LRCH4: variants seen among roughly 807,000 people sequenced by gnomAD.
The protein encoded by LRCH4 is leucine-rich repeat and calponin homology domain-containing protein 4.
A neutral mutation model predicts 81.2 loss-of-function variants in LRCH4; 56 were observed. The observed-to-expected ratio is 0.69, with a 90% CI of 0.56 to 0.86. The LOEUF (loss-of-function observed/expected upper bound fraction) is 0.86, where lower values mean the gene tolerates loss of function less well. Among genes scored for constraint, LRCH4 ranks in the 40% least tolerant of loss-of-function variants. The probability of loss-of-function intolerance (pLI) is 0.00; values close to 1 mark genes in which losing one functional copy is unlikely to be tolerated. For missense variants in LRCH4, 895 were observed against 922.8 expected (o/e 0.97, Z 0.39); for synonymous variants, 442 against 409.7 (o/e 1.08, Z -0.95).
intron 4 of LRCH4, chr7:100,581,555 C>G (rs186594239): frequency 1.2e-5 from 6 of 499,908 alleles, no homozygotes; most frequent in Non-Finnish European, 2.1e-5. Context: ...TCTCCGCCAT[C>G]GGAGAGTACC....
rs767410875 is a variant in LRCH4 at position 100,575,155 on chromosome 7, G to C, written c.2004C>G (p.Val668=). 1.7e-5 allele frequency: 28 copies of C among 1,613,340 alleles called. No individual in the cohort carries two copies. In the South Asian group the frequency reaches 2.7e-4, roughly 16 times the overall value. ...AGGTGACATAGAGCAGCAGCATGAG[G>C]ACCACGTAGAAGACGACGAAGCCGC... ...GLGGFVVFYV[V]LMLLLYVTYT... is the part of the protein sequence containing the mutation. The change falls in exon 18 of 18, where the codon GTC becomes GTG. Residue 668 remains valine (V), a synonymous_variant. Coordinates refer to ENST00000310300, the MANE Select transcript of LRCH4 (RefSeq NM_002319.5). The surrounding 1 kb of genome is among the most constrained non-coding windows in gnomAD (Gnocchi z 5.3).
In LRCH4 at chr7:100,576,236, A is replaced by G; in HGVS notation, c.1638+2T>C. 2 of 1,613,876 alleles carry G rather than the reference A, an allele frequency of 1.2e-6. No individual in the cohort carries two copies. The highest frequency in any genetic ancestry group is 8.5e-7 in the Non-Finnish European group (1 of 1,179,902). ...GCCCACGCAGCTCCCGCCTCTGCTC[A>G]CCTGGCGCAGCTGAGTCATTAAGTC... On this transcript the variant is annotated splice_donor_variant, in intron 15 of 17. Transcript: ENST00000310300. LOFTEE classifies it high-confidence loss of function.
chr7:100,576,981 GGAGGCACTGGA>G lies in LRCH4; in HGVS notation c.1378_1388del (p.Ser460ProfsTer74). On this transcript the variant is annotated frameshift_variant, in exon 13 of 18. Coordinates refer to ENST00000310300, the MANE Select transcript of LRCH4 (RefSeq NM_002319.5). LOFTEE classifies it high-confidence loss of function. ...CCTGCCCCGCTGCAGCCCCTGCTTGGGAGGCACTGGACTTAGGCGAGCCGCTGAGGAGAGAC... is the reference window on the plus strand; with the variant it reads ...CCTGCCCCGCTGCAGCCCCTGCTTGGCTTAGGCGAGCCGCTGAGGAGAGAC... 1 of 1,605,352 alleles carries G rather than the reference GGAGGCACTGGA, an allele frequency of 6.2e-7. No individual in the cohort carries two copies. The highest frequency in any genetic ancestry group is 8.5e-7 in the Non-Finnish European group (1 of 1,173,766).
Position 100,575,835 on chromosome 7 carries a change from G to C in LRCH4, c.1776+36C>G, listed in dbSNP as rs374353772. The C allele has an allele frequency of 6.8e-6, 11 of 1,609,156 alleles. No homozygotes were observed. Among genetic ancestry groups the C allele is most frequent in the Non-Finnish European group, 9.4e-6 (11 of 1,176,450 alleles). ...GTAAGGGAGAGGCCACAGGCGCCCC[G>C]GCCCATCCCCCACCTCTTCCCCAGC... On this transcript the variant is annotated intron_variant, in intron 16 of 17. Coordinates refer to ENST00000310300, the MANE Select transcript of LRCH4 (RefSeq NM_002319.5). This position sits in a 1 kb window ranked among gnomAD's most constrained non-coding sequence, Gnocchi z 5.3.
Position 100,575,605 on chromosome 7 carries a change from T to C in LRCH4, c.1854+100A>G. 7.1e-7 allele frequency: 1 copy of C among 1,417,178 alleles called. No individual in the cohort carries two copies. The highest frequency in any genetic ancestry group is 1.0e-6 in the Non-Finnish European group (1 of 1,001,216). 87.8% of individuals were successfully genotyped at this position (1,417,178 alleles called of 1,614,324 possible). On this transcript the variant is annotated intron_variant, in intron 17 of 17. Transcript: ENST00000310300. This position sits in a 1 kb window ranked among gnomAD's most constrained non-coding sequence, Gnocchi z 5.3. ...AGGGCAGGGGCAGCCTGTGCCTTCA[T>C]CTGAGAGCAGACATCCGCTGCAAAT... is the stretch of plus-strand genomic sequence containing the variant.
In LRCH4 at chr7:100,581,775, A is replaced by G. The variant is rs771157794; in HGVS notation, c.598+2T>C. ...TCCTCTCCAGTTCTTCATTCTTCTC[A>G]CCTTCGGGCAGCGTACTGAGCTGGT... is the stretch of plus-strand genomic sequence containing the variant. On this transcript the variant is annotated splice_donor_variant, in intron 4 of 17. Transcript: ENST00000310300. LOFTEE classifies it high-confidence loss of function. 4.3e-6 allele frequency: 7 copies of G among 1,613,742 alleles called. No homozygotes were observed. Among genetic ancestry groups the G allele is most frequent in the Non-Finnish European group, 5.1e-6 (6 of 1,179,762 alleles).
At chr7:100,579,063 G>A in intron 4 of LRCH4, 1 of 482,300 alleles carries the variant, frequency 2.1e-6, no homozygotes, top group Non-Finnish European at 3.7e-6. Flanking sequence ...GCCCAGCCCT[G>A]TCTGTCCTCC....
rs1423497297 is a variant in LRCH4, at chr7:100,575,682, T to C, written c.1854+23A>G. 5 of 1,613,592 alleles carry C rather than the reference T, an allele frequency of 3.1e-6. No homozygotes were observed. The highest frequency in any genetic ancestry group is 3.4e-6 in the Non-Finnish European group (4 of 1,179,632). ...TCGGCTGAGTCCGGCATGCCACCACTCTTTAGAAAGCAGCCCCCATACCTC... is the reference window on the plus strand; with the variant it reads ...TCGGCTGAGTCCGGCATGCCACCACCCTTTAGAAAGCAGCCCCCATACCTC... On this transcript the variant is annotated intron_variant, in intron 17 of 17. Coordinates refer to ENST00000310300, the MANE Select transcript of LRCH4 (RefSeq NM_002319.5). This position sits in a 1 kb window ranked among gnomAD's most constrained non-coding sequence, Gnocchi z 5.3.
rs1029394482 is a variant in LRCH4, at chr7:100,574,059, C to A, written c.*1048G>T. On this transcript the variant is annotated 3_prime_UTR_variant, in exon 18 of 18. Transcript: ENST00000310300. Reference sequence around the variant, plus strand: ...GGCTTCTGGCTTCTGTTTATTGCGGCTGACACGACACCTGCGACACCCGCG... The same window carrying A: ...GGCTTCTGGCTTCTGTTTATTGCGGATGACACGACACCTGCGACACCCGCG... The A allele has an allele frequency of 5.0e-5, 8 of 160,380 alleles. No homozygotes were observed. The highest frequency in any genetic ancestry group is 1.9e-4 in the African/African-American group (8 of 41,532). 9.9% of individuals were successfully genotyped at this position (160,380 alleles called of 1,614,324 possible). A position where few individuals can be genotyped will look rare whatever the true frequency, so the allele number is the denominator to read the frequency against.
chr7:100,584,462 C>T (rs1048279401), intron 1 of LRCH4, among the ~76,000 whole-genome samples: 4 of 151,776 alleles, frequency 2.6e-5, no homozygotes, highest in Admixed American at 1.3e-4. Flanking sequence ...CGGGGAGCTC[C>T]GGGTAGTTTT....
chr7:100,578,031 G>C lies in LRCH4; in HGVS notation c.949-119C>G. The C allele has an allele frequency of 7.8e-7, 1 of 1,290,038 alleles. No individual in the cohort carries two copies. The highest frequency in any genetic ancestry group is 1.1e-6 in the Non-Finnish European group (1 of 904,500). The allele number at this position is 1,290,038 out of a possible 1,614,324, so 79.9% of individuals were successfully genotyped here. A position where few individuals can be genotyped will look rare whatever the true frequency, so the allele number is the denominator to read the frequency against. Reference sequence around the variant, plus strand: ...TGCTGAGCCAGCCCTTCCCTGGGATGCTGGGCAGAGGGAAGGAAGAGGACA... The same window carrying C: ...TGCTGAGCCAGCCCTTCCCTGGGATCCTGGGCAGAGGGAAGGAAGAGGACA... On this transcript the variant is annotated intron_variant, in intron 7 of 17. Transcript: ENST00000310300. The surrounding 1 kb of genome is among the most constrained non-coding windows in gnomAD (Gnocchi z 5.7).
intron 4 of LRCH4, chr7:100,580,822 T>C (rs953327371): frequency 7.2e-6 from 1 of 138,944 alleles, no homozygotes; most frequent in Admixed American, 7.1e-5. Flanking sequence ...TAGACACACA[T>C]GCACAGACAC....
intron 1 of LRCH4, chr7:100,584,723 T>C: frequency 2.2e-6 from 1 of 456,622 alleles, no homozygotes; most frequent in Non-Finnish European, 4.4e-6. Context: ...TGGGGAGGTT[T>C]CGACTGGTTC....
Position 100,578,625 on chromosome 7 carries a change from G to A in LRCH4, c.735+25C>T, listed in dbSNP as rs377423695. The A allele has an allele frequency of 4.3e-5, 69 of 1,609,796 alleles. 1 individual carries two copies. The Admixed American group carries it at 8.5e-4, about 20-fold the overall frequency. On this transcript the variant is annotated intron_variant, in intron 5 of 17. Coordinates refer to ENST00000310300, the MANE Select transcript of LRCH4 (RefSeq NM_002319.5). This position sits in a 1 kb window ranked among gnomAD's most constrained non-coding sequence, Gnocchi z 5.7. ...CCTGCCTAGCCACACCCCTGTCCTC[G>A]TGGCCCCCCAGGCACCCGCCTCACC...
chr7:100,577,975 G>A lies in LRCH4; in HGVS notation c.949-63C>T. ...TGTACATGGGGGCTCAGGACCTGGG[G>A]GGTCCTGTGTGGGACTAAGCTCAGG... On this transcript the variant is annotated intron_variant, in intron 7 of 17. Coordinates refer to ENST00000310300, the MANE Select transcript of LRCH4 (RefSeq NM_002319.5). The surrounding 1 kb of genome is among the most constrained non-coding windows in gnomAD (Gnocchi z 6.7). 7.0e-7 allele frequency: 1 copy of A among 1,432,632 alleles called. No individual in the cohort carries two copies. The allele number at this position is 1,432,632 out of a possible 1,614,324, so 88.7% of individuals were successfully genotyped here. A position where few individuals can be genotyped will look rare whatever the true frequency, so the allele number is the denominator to read the frequency against.
In LRCH4 at chr7:100,578,434, G is replaced by T. The variant is rs746305510; in HGVS notation, c.813C>A (p.Asp271Glu). 8.7e-6 allele frequency: 14 copies of T among 1,613,884 alleles called. No homozygotes were observed. The highest frequency in any genetic ancestry group is 1.2e-5 in the Non-Finnish European group (14 of 1,179,976). ...EAGQRGSALG[D>E]LAPSRPPSFS... ...AACTCGGGGGCCGAGAAGGGGCCAG[G>T]TCCCCCAGGGCCGACCCACGCTGCC... is the stretch of plus-strand genomic sequence containing the variant. The change falls in exon 6 of 18, where the codon GAC becomes GAA. Residue 271 changes from aspartate to glutamate, a missense_variant. Transcript: ENST00000310300. This position sits in a 1 kb window ranked among gnomAD's most constrained non-coding sequence, Gnocchi z 5.7.
At position 100,586,037 on chromosome 7, in the gene LRCH4, C is replaced by G. The variant is rs771102730; in HGVS notation, c.64G>C (p.Val22Leu). 6.3e-7 allele frequency: 1 copy of G among 1,596,366 alleles called. No homozygotes were observed. The highest frequency in any genetic ancestry group is 8.5e-7 in the Non-Finnish European group (1 of 1,172,202). The change falls in exon 1 of 18, where the codon GTG becomes CTG. Residue 22 changes from valine (V) to leucine (L), a missense_variant. Physicochemically the swap from Val to Leu is conservative, Grantham distance 32. This residue lies in a region of LRCH4 where 360 missense variants were observed against 397.0 expected (regional missense o/e 0.91). Coordinates refer to ENST00000310300, the MANE Select transcript of LRCH4 (RefSeq NM_002319.5). Reference protein sequence around the residue: ...GGEEAAATTSVPGSPGLPGRR... With the variant: ...GGEEAAATTSLPGSPGLPGRR... ...CCCGGCAGACCTGGAGACCCGGGCA[C>G]GGAGGTCGTGGCTGCCGCCTCCTCA... is the stretch of plus-strand genomic sequence containing the variant.
Position 100,577,886 on chromosome 7 carries a change from T to C in LRCH4, c.975A>G (p.Ser325=). ...CCCGGGCCAGCTCTGAGATCCGGAATGACAGCTCTGAAAATTCATCTGTTG... is the reference window on the plus strand; with the variant it reads ...CCCGGGCCAGCTCTGAGATCCGGAACGACAGCTCTGAAAATTCATCTGTTG... ...NESTDEFSEL[S]FRISELAREP... The change falls in exon 8 of 18, where the codon TCA becomes TCG. Residue 325 remains serine (S), a synonymous_variant. Coordinates refer to ENST00000310300, the MANE Select transcript of LRCH4 (RefSeq NM_002319.5). The surrounding 1 kb of genome is among the most constrained non-coding windows in gnomAD (Gnocchi z 6.7). 1 of 1,614,060 alleles carries C rather than the reference T, an allele frequency of 6.2e-7. No individual in the cohort carries two copies. The highest frequency in any genetic ancestry group is 8.5e-7 in the Non-Finnish European group (1 of 1,179,922).
In LRCH4 at chr7:100,578,906, G is replaced by C; in HGVS notation, c.599-120C>G. On this transcript the variant is annotated intron_variant, in intron 4 of 17. Coordinates refer to ENST00000310300, the MANE Select transcript of LRCH4 (RefSeq NM_002319.5). The surrounding 1 kb of genome is among the most constrained non-coding windows in gnomAD (Gnocchi z 5.7). Reference sequence around the variant, plus strand: ...CTGGGCCCAGCACAGCCTCTCCCCTGGGTGGCTCAAGTCATTCCCCGGGAG... The same window carrying C: ...CTGGGCCCAGCACAGCCTCTCCCCTCGGTGGCTCAAGTCATTCCCCGGGAG... 4 of 1,093,634 alleles carry C rather than the reference G, an allele frequency of 3.7e-6. No individual in the cohort carries two copies. The highest frequency in any genetic ancestry group is 5.2e-6 in the Non-Finnish European group (4 of 764,232). 67.7% of individuals were successfully genotyped at this position (1,093,634 alleles called of 1,614,324 possible). A position where few individuals can be genotyped will look rare whatever the true frequency, so the allele number is the denominator to read the frequency against.
Sources: gnomAD v4.1 joint callset for allele counts (sites outside exome capture counted in the v4.1 genomes callset) on GRCh38, gnomAD v4.1.1 for gene constraint, gnomAD v4.1.1 regional missense constraint, Gnocchi (gnomAD v3.1) non-coding constraint, MANE v1.5 for transcripts, NCBI Gene and HGNC (gene_info 2026-07-23, HGNC 2026-07-21) for gene names.